The following PCDH15 variants were observed in gnomAD, a reference collection of about 807,000 sequenced individuals.
PCDH15 encodes protocadherin-15.
PCDH15 carries 129 observed loss-of-function variants against 178.5 expected under a neutral mutation model. The ratio of observed to expected loss-of-function variants is 0.72; its 90% CI spans 0.63 to 0.84. The LOEUF (loss-of-function observed/expected upper bound fraction) is 0.84, where lower values mean the gene tolerates loss of function less well. Among genes scored for constraint, PCDH15 ranks in the 40% least tolerant of loss-of-function variants. The pLI is 0.00. For synonymous variants in PCDH15, 800 were observed against 732.0 expected, an observed-to-expected ratio of 1.09 and a Z score of -1.50; for missense variants, 2,230 against 2,099.9, an observed-to-expected ratio of 1.06 and a Z score of -1.21.
intron 2 of PCDH15, among the ~76,000 whole-genome samples, chr10:55,009,530 G>A (rs892208695): frequency 2.6e-5 from 4 of 152,012 alleles, no homozygotes; most frequent in East Asian, 1.9e-4. Flanking sequence ...TTCACTTATC[G>A]AGACTGTAAG....
chr10:54,824,810 A>G (rs1394266838), intron 3 of PCDH15, among the ~76,000 whole-genome samples: 1 of 152,134 alleles, frequency 6.6e-6, no homozygotes, highest in Non-Finnish European at 1.5e-5. Flanking sequence ...CAAGATGGGA[A>G]AATGTTATGT....
At chr10:54,709,359 C>A (rs926169378) in intron 1 of PCDH15, among the ~76,000 whole-genome samples, 1 of 151,900 alleles carries the variant, frequency 6.6e-6, no homozygotes, top group Non-Finnish European at 1.5e-5. Context: ...CTACTCCATA[C>A]ATTATTATAC....
In PCDH15 at chr10:55,127,786, C is replaced by T. The variant is rs79051043; in HGVS notation, c.-80+38790G>A. ...ATTTCTTGCAATCATTTACGTATAA[C>T]CTTGGAGACATTCCATTTTTTAGGA... On this transcript the variant is annotated intron_variant, in intron 2 of 5. Transcript: ENST00000458638. Among the ~76,000 whole-genome samples, 1,388 of 152,066 alleles carry T rather than the reference C, an allele frequency of 9.1e-3. 55 individuals are homozygous for T. The East Asian group carries it at 0.11, about 12-fold the overall frequency.
intron 1 of PCDH15, among the ~76,000 whole-genome samples, chr10:54,670,951 C>T (rs1458837979): frequency 6.6e-6 from 1 of 151,994 alleles, no homozygotes; most frequent in Non-Finnish European, 1.5e-5. Flanking sequence ...TTTTAATTGC[C>T]AATTTTTTTG....
chr10:54,890,953 G>T (rs796974320), intron 3 of PCDH15, among the ~76,000 whole-genome samples: 3 of 152,036 alleles, frequency 2.0e-5, no homozygotes, highest in South Asian at 2.1e-4. Context: ...ATAATATAAA[G>T]ATATTGCATC....
intron 1 of PCDH15, among the ~76,000 whole-genome samples, chr10:54,688,780 A>G (rs566783695): frequency 6.6e-6 from 1 of 152,204 alleles, no homozygotes; most frequent in Non-Finnish European, 1.5e-5. Context: ...CTGAAAGGCA[A>G]TTACTTTTTC....
chr10:53,866,196 T>C (rs1231480982), intron 27 of PCDH15, among the ~76,000 whole-genome samples: 1 of 152,114 alleles, frequency 6.6e-6, no homozygotes, highest in Non-Finnish European at 1.5e-5. Flanking sequence ...AAACATTTTC[T>C]TTGTTTTCTC....
intron 8 of PCDH15, among the ~76,000 whole-genome samples, chr10:54,275,959 A>C (rs2132604159): frequency 6.6e-6 from 1 of 151,986 alleles, no homozygotes; most frequent in Admixed American, 6.6e-5. Flanking sequence ...GGAAAAAAGT[A>C]AAGTTGACTC....
chr10:55,379,130 A>T (rs943686939), intron 2 of PCDH15, among the ~76,000 whole-genome samples: 5 of 151,904 alleles, frequency 3.3e-5, no homozygotes, highest in African/African-American at 1.2e-4. Flanking sequence ...ATATGTATGT[A>T]TGGCGCCTAT....
At chr10:55,340,183 T>C (rs939779762) in intron 2 of PCDH15, among the ~76,000 whole-genome samples, 3 of 151,104 alleles carry the variant, frequency 2.0e-5, no homozygotes, top group African/African-American at 4.8e-5. Context: ...ATATACTTTA[T>C]GTAAAATATA....
At chr10:55,170,220 G>T in intron 1 of PCDH15, among the ~76,000 whole-genome samples, 1 of 151,942 alleles carries the variant, frequency 6.6e-6, no homozygotes, top group South Asian at 2.1e-4. Flanking sequence ...CATCATTATG[G>T]CTCACTACAG....
At chr10:54,611,973 A>C (rs2134256241) in intron 2 of PCDH15, among the ~76,000 whole-genome samples, 1 of 152,004 alleles carries the variant, frequency 6.6e-6, no homozygotes, top group Middle Eastern at 3.4e-3. Context: ...AAATACAAAA[A>C]CAAACACAAC....
At chr10:55,267,036 C>G (rs1237340466) in intron 1 of PCDH15, among the ~76,000 whole-genome samples, 1 of 152,072 alleles carries the variant, frequency 6.6e-6, no homozygotes, top group Non-Finnish European at 1.5e-5. Context: ...CAGATGCAAG[C>G]TGCACTACCA....
At chr10:55,321,543 C>T (rs1843901974), upstream of PCDH15, among the ~76,000 whole-genome samples, 1 of 152,070 alleles carries the variant, frequency 6.6e-6, no homozygotes, top group South Asian at 2.1e-4. Flanking sequence ...ATCCTGAAGA[C>T]ACACAGTCAT....
chr10:55,406,333 C>G (rs1838197483), intron 2 of PCDH15, among the ~76,000 whole-genome samples: 1 of 151,748 alleles, frequency 6.6e-6, no homozygotes, highest in African/African-American at 2.4e-5. Flanking sequence ...TAGAGGAGAA[C>G]CAGGGAAACC....
At chr10:54,685,795 G>A (rs542119784) in intron 1 of PCDH15, among the ~76,000 whole-genome samples, 2 of 152,112 alleles carry the variant, frequency 1.3e-5, no homozygotes, top group Non-Finnish European at 2.9e-5. Context: ...CTAATACAAA[G>A]TTAATTTTTA....
At chr10:55,316,193 G>C (rs1020668287) in intron 1 of PCDH15, among the ~76,000 whole-genome samples, 2 of 152,194 alleles carry the variant, frequency 1.3e-5, no homozygotes, top group Non-Finnish European at 2.9e-5. Flanking sequence ...ATATGCTACT[G>C]TAAATAAATA....
intron 15 of PCDH15, among the ~76,000 whole-genome samples, chr10:54,090,306 A>G (rs2094578689): frequency 6.6e-6 from 1 of 152,202 alleles, no homozygotes; most frequent in Admixed American, 6.5e-5. Flanking sequence ...TATTTAATTA[A>G]CTTAATTAAT....
intron 2 of PCDH15, among the ~76,000 whole-genome samples, chr10:54,995,343 T>C (rs990297088): frequency 7.0e-6 from 1 of 142,190 alleles, no homozygotes; most frequent in Non-Finnish European, 1.5e-5. Context: ...ATCACTGCAC[T>C]CCAGCCTGGA....
Sources: allele counts gnomAD v4.1 joint callset (sites outside exome capture counted in the v4.1 genomes callset), GRCh38; gene constraint gnomAD v4.1.1; transcripts MANE v1.5; gene names NCBI Gene and HGNC (gene_info 2026-07-23, HGNC 2026-07-21).